GRB2: variants seen among roughly 807,000 people sequenced by gnomAD.
GRB2 encodes growth factor receptor bound protein 2, also known as growth factor receptor-bound protein 2.
Under a neutral mutation model 27.4 loss-of-function variants are expected in GRB2, and 2 were observed. The ratio of observed to expected loss-of-function variants is 0.07; its 90% CI spans 0.03 to 0.23. GRB2 has a LOEUF of 0.23. Among genes scored for constraint, GRB2 ranks in the 10% least tolerant of loss-of-function variants. The pLI, the probability that GRB2 is intolerant of heterozygous loss-of-function variation, is 1.00. For missense variants in GRB2, 102 were observed against 282.4 expected, an observed-to-expected ratio of 0.36 and a Z score of 4.58; for synonymous variants, 94 against 99.6, an observed-to-expected ratio of 0.94 and a Z score of 0.33.
At chr17:75,388,108 T>C (rs903114221) in intron 2 of GRB2, among the ~76,000 whole-genome samples, 1 of 152,108 alleles carries the variant, frequency 6.6e-6, no homozygotes, top group Admixed American at 6.6e-5. Flanking sequence ...TTTGTTTTTG[T>C]TTTTTTGAGA....
intron 2 of GRB2, among the ~76,000 whole-genome samples, chr17:75,351,369 C>T (rs2078691104): frequency 6.6e-6 from 1 of 152,094 alleles, no homozygotes; most frequent in African/African-American, 2.4e-5. Context: ...AGGAAGACGG[C>T]CAAGTGCTGG....
At chr17:75,326,239 C>T in intron 3 of GRB2, 1 of 566,464 alleles carries the variant, frequency 1.8e-6, no homozygotes, top group African/African-American at 1.9e-5. Context: ...AGCGACTCAC[C>T]AAGGCACTAA....
chr17:75,357,385 T>C (rs2078740146), intron 2 of GRB2, among the ~76,000 whole-genome samples: 1 of 152,214 alleles, frequency 6.6e-6, no homozygotes, highest in South Asian at 2.1e-4. Flanking sequence ...AATAATAACG[T>C]ATCAATATTG....
intron 1 of GRB2, among the ~76,000 whole-genome samples, chr17:75,395,377 A>G (rs544309411): frequency 6.6e-6 from 1 of 152,356 alleles, no homozygotes; most frequent in South Asian, 2.1e-4. Context: ...AAAGAGTCCC[A>G]GCAAATATTA....
chr17:75,327,752 G>A (rs1167619197), intron 3 of GRB2, among the ~76,000 whole-genome samples: 5 of 152,184 alleles, frequency 3.3e-5, no homozygotes, highest in Admixed American at 2.0e-4. Context: ...ACAGAAAGAT[G>A]TGATCTGCTA....
At chr17:75,331,085 C>A (rs1394899302) in intron 3 of GRB2, among the ~76,000 whole-genome samples, 1 of 152,208 alleles carries the variant, frequency 6.6e-6, no homozygotes, top group African/African-American at 2.4e-5. Flanking sequence ...GACCCTGACC[C>A]TATACTCATG....
At chr17:75,352,657 C>T (rs772238560) in intron 2 of GRB2, among the ~76,000 whole-genome samples, 2 of 152,176 alleles carry the variant, frequency 1.3e-5, no homozygotes, top group Non-Finnish European at 2.9e-5. Context: ...ACTAAGATAT[C>T]CCTACTGTTT....
chr17:75,333,490 GGA>G lies in GRB2; in HGVS notation c.79-695_79-694del, dbSNP rs577219075. Among the ~76,000 whole-genome samples, 353 of 152,170 alleles carry G rather than the reference GGA, an allele frequency of 2.3e-3. 1 individual carries two copies. Among genetic ancestry groups the G allele is most frequent in the Non-Finnish European group, 3.8e-3 (260 of 68,004 alleles). ...TGACGAAGACAAAGTCTACTTTCTG[GGA>G]GAGAGAGGTGTCACAGCAGAACTAA... On this transcript the variant is annotated intron_variant, in intron 2 of 5. Transcript: ENST00000316804.
At chr17:75,370,018 TAA>T in intron 2 of GRB2, among the ~76,000 whole-genome samples, 2 of 152,306 alleles carry the variant, frequency 1.3e-5, no homozygotes, top group East Asian at 3.9e-4. Context: ...ATCACAGTAC[TAA>T]GAGACAGGGA....
chr17:75,334,273 C>T (rs1480472118), intron 2 of GRB2, among the ~76,000 whole-genome samples: 21 of 152,060 alleles, frequency 1.4e-4, no homozygotes, highest in Admixed American at 1.1e-3. Context: ...CGGGTTCACG[C>T]CATTCTCTTG....
At chr17:75,334,890 G>A (rs2078566718) in intron 2 of GRB2, among the ~76,000 whole-genome samples, 1 of 144,554 alleles carries the variant, frequency 6.9e-6, no homozygotes, top group Non-Finnish European at 1.5e-5. Flanking sequence ...GTCTTGCTCT[G>A]CTGCCCAGTC....
intron 2 of GRB2, among the ~76,000 whole-genome samples, chr17:75,334,632 A>G (rs925514924): frequency 2.5e-4 from 38 of 152,118 alleles, no homozygotes; most frequent in African/African-American, 8.7e-4. Flanking sequence ...AATGATGACT[A>G]GTAGTAAAAT....
intron 2 of GRB2, among the ~76,000 whole-genome samples, chr17:75,345,994 G>GCTGA (rs1288426805): frequency 6.6e-6 from 1 of 152,068 alleles, no homozygotes; most frequent in African/African-American, 2.4e-5. Context: ...GTGACATTCA[G>GCTGA]GTTTGCATTT....
At chr17:75,394,065 T>C in intron 1 of GRB2, 1 of 181,440 alleles carries the variant, frequency 5.5e-6, no homozygotes, top group Non-Finnish European at 1.2e-5. Flanking sequence ...TCCCACTCAG[T>C]CTCCGCCTTT....
chr17:75,335,605 C>T (rs1456027284), intron 2 of GRB2, among the ~76,000 whole-genome samples: 1 of 152,168 alleles, frequency 6.6e-6, no homozygotes, highest in Non-Finnish European at 1.5e-5. Flanking sequence ...TGCTTATCTG[C>T]TATGCTTACC....
chr17:75,359,100 A>C (rs1180448134), intron 2 of GRB2, among the ~76,000 whole-genome samples: 13 of 139,230 alleles, frequency 9.3e-5, no homozygotes, highest in African/African-American at 3.4e-4. Flanking sequence ...CTGTAATCCC[A>C]GCTACTTGGG....
intron 2 of GRB2, among the ~76,000 whole-genome samples, chr17:75,366,464 T>C (rs972007250): frequency 1.4e-5 from 2 of 144,742 alleles, no homozygotes; most frequent in African/African-American, 4.9e-5. Flanking sequence ...AGGCAATCAT[T>C]TGAACCCTTG....
Position 75,343,049 on chromosome 17 carries a change from C to CAAAAAA in GRB2, c.79-10258_79-10253dup, listed in dbSNP as rs56264803. 3.8e-3 allele frequency among the ~76,000 whole-genome samples: 220 copies of CAAAAAA among 58,584 alleles called. 15 individuals carry two copies. Among genetic ancestry groups the CAAAAAA allele is most frequent in the African/African-American group, 0.015 (213 of 13,992 alleles). 38.4% of individuals were successfully genotyped at this position (58,584 alleles called of 152,430 possible). ...TGGGTGACAGAGAGAAACCTTGTCT[C>CAAAAAA]AAAAAAAAAAAAAAGGTATAAGATT... On this transcript the variant is annotated intron_variant, in intron 2 of 5. Transcript: ENST00000316804.
chr17:75,326,300 G>C (rs982433344), intron 3 of GRB2: 3 of 427,488 alleles, frequency 7.0e-6, no homozygotes, highest in Admixed American at 7.1e-5. Context: ...GGGCCCCCCA[G>C]GCCAAAGCCC....
Sources: allele counts gnomAD v4.1 joint callset (sites outside exome capture counted in the v4.1 genomes callset), GRCh38; gene constraint gnomAD v4.1.1; transcripts MANE v1.5; gene names NCBI Gene and HGNC (gene_info 2026-07-23, HGNC 2026-07-21).